Variants in RBM47 observed in about 807,000 individuals in gnomAD.
RBM47 encodes the protein RNA binding motif protein 47.
Under a neutral mutation model 47.1 loss-of-function variants are expected in RBM47, and 21 were observed. The observed-to-expected ratio is 0.45, with a 90% confidence interval of 0.32 to 0.64. The LOEUF (loss-of-function observed/expected upper bound fraction) is 0.64. RBM47 is among the 30% of genes least tolerant of loss of function. The pLI is 0.05. For synonymous variants in RBM47, 375 were observed against 361.7 expected, an observed-to-expected ratio of 1.04 and a Z score of -0.42; for missense variants, 708 against 870.9, an observed-to-expected ratio of 0.81 and a Z score of 2.35.
intron 1 of RBM47, among the ~76,000 whole-genome samples, chr4:40,588,352 A>G (rs911333134): frequency 1.3e-5 from 2 of 152,178 alleles, no homozygotes; most frequent in African/African-American, 4.8e-5. Flanking sequence ...TTCAGGATTC[A>G]AAGTCCCAAA....
At chr4:40,604,298 G>T (rs923915516) in intron 1 of RBM47, among the ~76,000 whole-genome samples, 1 of 152,154 alleles carries the variant, frequency 6.6e-6, no homozygotes, top group African/African-American at 2.4e-5. Context: ...GGATGGAAAG[G>T]AGGAAAGACA....
At chr4:40,554,883 T>A (rs1729927791) in intron 1 of RBM47, among the ~76,000 whole-genome samples, 1 of 152,012 alleles carries the variant, frequency 6.6e-6, no homozygotes, top group Admixed American at 6.6e-5. Context: ...TGCCTCAGCT[T>A]CCTGAGTAGC....
At chr4:40,531,939 A>T (rs1727428054) in intron 2 of RBM47, among the ~76,000 whole-genome samples, 3 of 151,794 alleles carry the variant, frequency 2.0e-5, no homozygotes, top group African/African-American at 7.3e-5. Flanking sequence ...GGAGTTCTAG[A>T]CCTGGGTATT....
At chr4:40,587,447 G>A (rs1733699217) in intron 1 of RBM47, among the ~76,000 whole-genome samples, 1 of 152,152 alleles carries the variant, frequency 6.6e-6, no homozygotes, top group South Asian at 2.1e-4. Context: ...TGAAGCGCTA[G>A]GAGCCAGGGG....
intron 1 of RBM47, among the ~76,000 whole-genome samples, chr4:40,566,911 G>C (rs1439582491): frequency 6.6e-6 from 1 of 151,866 alleles, no homozygotes; most frequent in African/African-American, 2.4e-5. Flanking sequence ...TCCTCCCAAA[G>C]TGCTGAGATT....
At chr4:40,435,573 G>A (rs1157683943) in intron 5 of RBM47, among the ~76,000 whole-genome samples, 1 of 152,028 alleles carries the variant, frequency 6.6e-6, no homozygotes, top group Non-Finnish European at 1.5e-5. Flanking sequence ...TTTCACCACT[G>A]CCTTGTCCTC....
chr4:40,545,726 G>A (rs565117098), intron 1 of RBM47, among the ~76,000 whole-genome samples: 4 of 139,266 alleles, frequency 2.9e-5, no homozygotes, highest in East Asian at 2.0e-4. Flanking sequence ...AGGGAGAGAA[G>A]AGGAAATGTA....
At chr4:40,576,581 T>G (rs762996061) in intron 1 of RBM47, among the ~76,000 whole-genome samples, 3 of 152,182 alleles carry the variant, frequency 2.0e-5, no homozygotes, top group Admixed American at 6.5e-5. Context: ...TTTTCTTTTT[T>G]AAAAGAGACA....
At chr4:40,522,826 A>G (rs1449667208) in intron 2 of RBM47, among the ~76,000 whole-genome samples, 2 of 152,090 alleles carry the variant, frequency 1.3e-5, no homozygotes, top group East Asian at 3.9e-4. Context: ...TCATGAAAAC[A>G]TTTTCATAAA....
At chr4:40,572,979 C>G (rs1731879653) in intron 1 of RBM47, among the ~76,000 whole-genome samples, 1 of 151,320 alleles carries the variant, frequency 6.6e-6, no homozygotes, top group Non-Finnish European at 1.5e-5. Flanking sequence ...TGGTGAAACC[C>G]TGTCTGCTAA....
At chr4:40,430,192 C>T (rs572267861) in intron 6 of RBM47, among the ~76,000 whole-genome samples, 4 of 146,096 alleles carry the variant, frequency 2.7e-5, no homozygotes, top group East Asian at 2.0e-4. Context: ...GAGACACCGT[C>T]GCAAAAAACA....
chr4:40,452,840 C>CTT (rs34438216), intron 3 of RBM47, among the ~76,000 whole-genome samples: 1,276 of 125,038 alleles, frequency 0.01, 15 homozygotes, highest in African/African-American at 0.031. Context: ...TGATTTCCTT[C>CTT]TTTTTTTTTT....
chr4:40,423,656 CTT>C lies in RBM47; in HGVS notation c.*2246_*2247del, dbSNP rs1415206328. ...TTTTTTTTATTCTTTCTTTCTTTTT[CTT>C]TCTTTCTTTCTTTCTTTCTTTCTTT... On this transcript the variant is annotated 3_prime_UTR_variant, in exon 7 of 7. Transcript: ENST00000295971. The C allele has an allele frequency of 8.2e-3, 120 of 14,556 alleles. No individual in the cohort carries two copies. Among genetic ancestry groups the C allele is most frequent in the South Asian group, 0.016 (8 of 494 alleles). The allele number at this position is 14,556 out of a possible 1,614,324, so 0.9% of individuals were successfully genotyped here. A position where few individuals can be genotyped will look rare whatever the true frequency, so the allele number is the denominator to read the frequency against.
intron 2 of RBM47, among the ~76,000 whole-genome samples, chr4:40,530,616 T>G (rs1178994489): frequency 6.6e-6 from 1 of 152,220 alleles, no homozygotes; most frequent in East Asian, 1.9e-4. Context: ...TTCTTCTTTT[T>G]AATCTGAATT....
At chr4:40,490,190 T>A (rs1721668992) in intron 2 of RBM47, among the ~76,000 whole-genome samples, 1 of 152,094 alleles carries the variant, frequency 6.6e-6, no homozygotes, top group Non-Finnish European at 1.5e-5. Flanking sequence ...TGAAAAAGAC[T>A]GAATGCTCTC....
At chr4:40,626,616 C>A (rs1040928247) in intron 1 of RBM47, among the ~76,000 whole-genome samples, 3 of 152,156 alleles carry the variant, frequency 2.0e-5, no homozygotes, top group Admixed American at 1.3e-4. Flanking sequence ...TTTCCTCCCC[C>A]ACACCTTTTT....
chr4:40,448,084 C>G (rs1714824261), intron 3 of RBM47, among the ~76,000 whole-genome samples: 1 of 151,176 alleles, frequency 6.6e-6, no homozygotes, highest in African/African-American at 2.5e-5. Context: ...GTAATCTCAG[C>G]TACTCGGGAG....
intron 3 of RBM47, among the ~76,000 whole-genome samples, chr4:40,447,997 A>C (rs4861147): frequency 0.72 from 108,833 of 151,680 alleles, 39,219 homozygotes; most frequent in South Asian, 0.85. Context: ...GGTGACAAAG[A>C]GAGACTCCGT....
intron 3 of RBM47, among the ~76,000 whole-genome samples, chr4:40,452,381 A>G (rs1715580200): frequency 1.3e-5 from 2 of 152,178 alleles, no homozygotes; most frequent in Non-Finnish European, 2.9e-5. Flanking sequence ...AGAGCCACGA[A>G]GCTTTAGCCA....
Sources: gnomAD v4.1 joint callset for allele counts (sites outside exome capture counted in the v4.1 genomes callset) on GRCh38, gnomAD v4.1.1 for gene constraint, MANE v1.5 for transcripts, NCBI Gene and HGNC (gene_info 2026-07-23, HGNC 2026-07-21) for gene names.